MAPK8: variants seen among roughly 807,000 people sequenced by gnomAD.
The protein encoded by MAPK8 is mitogen-activated protein kinase 8.
MAPK8 carries 13 observed loss-of-function variants against 52.9 expected under a neutral mutation model. The observed-to-expected ratio is 0.25, with a 90% CI of 0.16 to 0.39. The LOEUF (loss-of-function observed/expected upper bound fraction) is 0.39. Among genes scored for constraint, MAPK8 ranks in the 10% least tolerant of loss-of-function variants. The probability of loss-of-function intolerance (pLI) is 1.00; values close to 1 mark genes in which losing one functional copy is unlikely to be tolerated. For missense variants in MAPK8, 300 were observed against 519.2 expected (o/e 0.58, Z 4.10); for synonymous variants, 191 against 169.8 (o/e 1.12, Z -0.97).
At position 48,437,940 on chromosome 10, in the gene MAPK8, C is replaced by T. The variant is rs899877718; in HGVS notation, c.*2911C>T. 2 of 152,248 alleles carry T rather than the reference C, an allele frequency of 1.3e-5. No individual in the cohort carries two copies. Among genetic ancestry groups the T allele is most frequent in the Non-Finnish European group, 2.9e-5 (2 of 68,052 alleles). 9.4% of individuals were successfully genotyped at this position (152,248 alleles called of 1,614,324 possible). ...GATGGAGGGAAGAGGACATCAGTGT[C>T]TGATAGTGAAATCATCAGCAGGAAA... is the stretch of plus-strand genomic sequence containing the variant. On this transcript the variant is annotated 3_prime_UTR_variant, in exon 12 of 12. Transcript: ENST00000374189.
At chr10:48,376,415 G>T (rs1264313261) in intron 1 of MAPK8, among the ~76,000 whole-genome samples, 1 of 152,264 alleles carries the variant, frequency 6.6e-6, no homozygotes, top group African/African-American at 2.4e-5. Flanking sequence ...TTTCTGCACA[G>T]CAAAAGAAAC....
intron 1 of MAPK8, among the ~76,000 whole-genome samples, chr10:48,356,028 G>A (rs1346837232): frequency 1.3e-5 from 2 of 152,098 alleles, no homozygotes; most frequent in African/African-American, 4.8e-5. Flanking sequence ...TTTGCAATTA[G>A]GAAGTCTTCA....
intron 1 of MAPK8, among the ~76,000 whole-genome samples, chr10:48,339,085 A>G (rs61137889): frequency 6.6e-6 from 1 of 152,122 alleles, no homozygotes; most frequent in Non-Finnish European, 1.5e-5. Flanking sequence ...AGAAAAGACA[A>G]TTCTAATATT....
intron 3 of MAPK8, among the ~76,000 whole-genome samples, chr10:48,408,705 C>T (rs1394243622): frequency 4.6e-5 from 7 of 152,180 alleles, no homozygotes; most frequent in Non-Finnish European, 7.4e-5. Context: ...AGAAAACCAT[C>T]GTTAGTGACC....
At position 48,382,938 on chromosome 10, in the gene MAPK8, GTGTATATATATA is replaced by G. The variant is rs1490884534; in HGVS notation, c.-49-18660_-49-18649del. Among the ~76,000 whole-genome samples the G allele has an allele frequency of 1.2e-4, 5 of 42,356 alleles. No homozygotes were observed. In the East Asian group the frequency reaches 4.0e-3, roughly 34 times the overall value. The allele number at this position is 42,356 out of a possible 152,430, so 27.8% of individuals were successfully genotyped here. On this transcript the variant is annotated intron_variant, in intron 1 of 11. Coordinates refer to ENST00000374189, the MANE Select transcript of MAPK8 (RefSeq NM_001323329.2). ...TATATATGTATATATATATAGCTAT[GTGTATATATATA>G]TGTATATATATATAGATAGCCTGAA...
At chr10:48,362,481 C>T (rs1041539705) in intron 1 of MAPK8, among the ~76,000 whole-genome samples, 3 of 145,118 alleles carry the variant, frequency 2.1e-5, no homozygotes, top group African/African-American at 5.1e-5. Context: ...AAATCATATA[C>T]TGTTCATGTG....
chr10:48,359,052 T>A (rs186097633), intron 1 of MAPK8, among the ~76,000 whole-genome samples: 1 of 152,354 alleles, frequency 6.6e-6, no homozygotes, highest in African/African-American at 2.4e-5. Flanking sequence ...CCTCCGGCTT[T>A]ATCTTATAAA....
chr10:48,394,814 A>C (rs2041809297), intron 1 of MAPK8, among the ~76,000 whole-genome samples: 1 of 151,866 alleles, frequency 6.6e-6, no homozygotes. Flanking sequence ...CCCAATACAC[A>C]AAAAAAGCCT....
intron 1 of MAPK8, among the ~76,000 whole-genome samples, chr10:48,308,766 A>G (rs1287832536): frequency 1.3e-5 from 2 of 152,220 alleles, no homozygotes; most frequent in Non-Finnish European, 2.9e-5. Flanking sequence ...AATATTTCTA[A>G]TATTTTAGAA....
chr10:48,371,692 A>G lies in MAPK8; in HGVS notation c.-49-29920A>G, dbSNP rs1848540192. ...TCTATTCTGACATTGTCTTCCGGAA[A>G]ACAGCATCAGATCCCACAGGATGAG... On this transcript the variant is annotated intron_variant, in intron 1 of 11. Coordinates refer to ENST00000374189, the MANE Select transcript of MAPK8 (RefSeq NM_001323329.2). 2.0e-5 allele frequency among the ~76,000 whole-genome samples: 3 copies of G among 152,058 alleles called. No homozygotes were observed. In the South Asian group the frequency reaches 6.2e-4, roughly 31 times the overall value.
At chr10:48,409,427 T>C (rs1044680351) in intron 3 of MAPK8, among the ~76,000 whole-genome samples, 2 of 152,002 alleles carry the variant, frequency 1.3e-5, no homozygotes, top group African/African-American at 4.8e-5. Flanking sequence ...AACACAATAG[T>C]GTGAGAAGGG....
chr10:48,427,450 AT>A, intron 10 of MAPK8: 2 of 297,984 alleles, frequency 6.7e-6, no homozygotes, highest in Non-Finnish European at 1.3e-5. Flanking sequence ...AAAATCACGT[AT>A]GGTTGTGTAC....
chr10:48,372,282 G>A (rs904636543), intron 1 of MAPK8, among the ~76,000 whole-genome samples: 4 of 152,044 alleles, frequency 2.6e-5, no homozygotes, highest in African/African-American at 9.7e-5. Flanking sequence ...AGCGCAAAAA[G>A]TCTGAAAATT....
chr10:48,360,663 A>G (rs1232023582), intron 1 of MAPK8, among the ~76,000 whole-genome samples: 1 of 152,222 alleles, frequency 6.6e-6, no homozygotes, highest in African/African-American at 2.4e-5. Context: ...TCTCACACGC[A>G]TGTATCACAG....
chr10:48,350,944 A>G (rs907992632), intron 1 of MAPK8, among the ~76,000 whole-genome samples: 10 of 152,230 alleles, frequency 6.6e-5, no homozygotes, highest in African/African-American at 2.2e-4. Context: ...TCAATGTGCA[A>G]AAATCACAAG....
At chr10:48,375,251 G>A (rs34960288) in intron 1 of MAPK8, among the ~76,000 whole-genome samples, 1 of 152,044 alleles carries the variant, frequency 6.6e-6, no homozygotes, top group Non-Finnish European at 1.5e-5. Context: ...AAAATAATAA[G>A]AGCTATTTAT....
chr10:48,309,976 CCTGAACATTTAGAAG>C (rs1186753514), intron 1 of MAPK8, among the ~76,000 whole-genome samples: 1 of 152,134 alleles, frequency 6.6e-6, no homozygotes, highest in African/African-American at 2.4e-5. Flanking sequence ...GAGCTCTTTA[CCTGAACATTTAGAAG>C]CCTTGCATTC....
chr10:48,365,918 G>A (rs1204124973), intron 1 of MAPK8, among the ~76,000 whole-genome samples: 1 of 152,066 alleles, frequency 6.6e-6, no homozygotes, highest in African/African-American at 2.4e-5. Context: ...GTCATTTCCT[G>A]ATTCAGTAAT....
chr10:48,353,653 T>C (rs1430023171), intron 1 of MAPK8, among the ~76,000 whole-genome samples: 1 of 152,180 alleles, frequency 6.6e-6, no homozygotes, highest in Non-Finnish European at 1.5e-5. Flanking sequence ...TCTGGGACAT[T>C]TGTGATTCAT....
Sources: allele counts gnomAD v4.1 joint callset (sites outside exome capture counted in the v4.1 genomes callset), GRCh38; gene constraint gnomAD v4.1.1; transcripts MANE v1.5; gene names NCBI Gene and HGNC (gene_info 2026-07-23, HGNC 2026-07-21).